Variants in ITGAM observed in about 807,000 individuals in gnomAD.
ITGAM encodes integrin alpha-M.
A neutral mutation model predicts 137.5 loss-of-function variants in ITGAM; 79 were observed. That is an observed-to-expected ratio of 0.57 (90% CI 0.48 to 0.69). The LOEUF (loss-of-function observed/expected upper bound fraction) is 0.69, where lower values mean the gene tolerates loss of function less well. Among genes scored for constraint, ITGAM ranks in the 30% least tolerant of loss-of-function variants. The probability of loss-of-function intolerance (pLI) is 0.00; values close to 1 mark genes in which losing one functional copy is unlikely to be tolerated. For synonymous variants in ITGAM, 583 were observed against 592.3 expected (o/e 0.98, Z 0.23); for missense variants, 1,343 against 1,483.5 (o/e 0.91, Z 1.56).
chr16:31,321,596 C>A lies in ITGAM; in HGVS notation c.1971C>A (p.Val657=). The A allele has an allele frequency of 6.2e-7, 1 of 1,613,886 alleles. No individual in the cohort carries two copies. Among genetic ancestry groups the A allele is most frequent in the East Asian group, 2.2e-5 (1 of 44,880 alleles). Residue 657 remains valine, a synonymous_variant, in exon 16 of 30, where the codon GTC becomes GTA. Transcript: ENST00000544665. ...EAGEVRVCLH[V]QKSTRDRLRE... is the part of the protein sequence containing the mutation. ...GAGAGGTCAGAGTCTGCCTCCATGT[C>A]CAGAAGAGCACACGGGATCGGCTAA...
chr16:31,269,173 TG>T (rs925893220), intron 5 of ITGAM, among the ~76,000 whole-genome samples: 13 of 151,950 alleles, frequency 8.6e-5, no homozygotes, highest in Non-Finnish European at 1.8e-4. Context: ...GGTTCCTGGG[TG>T]GGGGCAGCAA....
intron 14 of ITGAM, among the ~76,000 whole-genome samples, chr16:31,316,864 A>G (rs2080398180): frequency 6.6e-6 from 1 of 152,194 alleles, no homozygotes; most frequent in East Asian, 1.9e-4. Context: ...TTTTGATGCC[A>G]TTGTAAATAG....
At position 31,331,098 on chromosome 16, in the gene ITGAM, CG is replaced by C. The variant is rs1207968225; in HGVS notation, c.3277-65del. On this transcript the variant is annotated intron_variant, in intron 28 of 29. Transcript: ENST00000544665. ...TCCCCACTTGATTCAGGGGTGCACA[CG>C]GTGTGAATGGGGAACCCCCAGAAAT... The C allele has an allele frequency of 4.9e-6, 4 of 812,226 alleles. No individual in the cohort carries two copies. The East Asian group carries it at 1.0e-4, about 20-fold the overall frequency. 50.3% of individuals were successfully genotyped at this position (812,226 alleles called of 1,614,324 possible). A position where few individuals can be genotyped will look rare whatever the true frequency, so the allele number is the denominator to read the frequency against.
chr16:31,289,197 C>T (rs1169225363), intron 12 of ITGAM, among the ~76,000 whole-genome samples: 43 of 152,248 alleles, frequency 2.8e-4, no homozygotes, highest in African/African-American at 1.0e-3. Context: ...GACAGTGTGG[C>T]GATTCCTCAA....
intron 14 of ITGAM, among the ~76,000 whole-genome samples, chr16:31,318,251 A>AGG (rs1366495683): frequency 6.6e-6 from 1 of 151,954 alleles, no homozygotes; most frequent in African/African-American, 2.4e-5. Flanking sequence ...TTGCTATGGC[A>AGG]TCAGTTGTAT....
intron 14 of ITGAM, among the ~76,000 whole-genome samples, chr16:31,299,298 T>TTTGGC (rs1438217214): frequency 6.6e-6 from 1 of 152,032 alleles, no homozygotes; most frequent in African/African-American, 2.4e-5. Context: ...CTTCAATGAG[T>TTTGGC]TTGGCTGTTT....
chr16:31,301,005 G>T (rs1367234324), intron 14 of ITGAM, among the ~76,000 whole-genome samples: 3 of 152,128 alleles, frequency 2.0e-5, no homozygotes, highest in Admixed American at 6.6e-5. Flanking sequence ...TACATGGTTT[G>T]CAAATACTCT....
Position 31,332,142 on chromosome 16 carries a change from G to A in ITGAM, c.*435G>A, listed in dbSNP as rs1302710058. On this transcript the variant is annotated 3_prime_UTR_variant, in exon 30 of 30. Transcript: ENST00000544665. ...GAACTGCCTGGGCTCCCTTGTGCGTGGGTGAAGCCGCTGCTGGGTTTTCCT... is the reference window on the plus strand; with the variant it reads ...GAACTGCCTGGGCTCCCTTGTGCGTAGGTGAAGCCGCTGCTGGGTTTTCCT... 1 of 163,300 alleles carries A rather than the reference G, an allele frequency of 6.1e-6. No individual in the cohort carries two copies. Among genetic ancestry groups the A allele is most frequent in the Admixed American group, 6.4e-5 (1 of 15,686 alleles). 10.1% of individuals were successfully genotyped at this position (163,300 alleles called of 1,614,324 possible). A position where few individuals can be genotyped will look rare whatever the true frequency, so the allele number is the denominator to read the frequency against.
chr16:31,277,789 G>A (rs952178813), intron 11 of ITGAM, among the ~76,000 whole-genome samples, 178 bp from the exon 12 acceptor site: 3 of 152,074 alleles, frequency 2.0e-5, no homozygotes, highest in Non-Finnish European at 2.9e-5. Context: ...CACCGCACCC[G>A]GCCAGAAACT....
rs562216444 is a variant in ITGAM at position 31,331,774 on chromosome 16, C to T, written c.*67C>T. 2 of 1,278,752 alleles carry T rather than the reference C, an allele frequency of 1.6e-6. No homozygotes were observed. Among genetic ancestry groups the T allele is most frequent in the East Asian group, 5.0e-5 (2 of 40,396 alleles). The allele number at this position is 1,278,752 out of a possible 1,614,324, so 79.2% of individuals were successfully genotyped here. The stretch of plus-strand genomic sequence containing the variant: ...ACTCTGCCCAGACCACACGTAGCCC[C>T]CAGGCTGCTGGACACGTCGGACAGC... On this transcript the variant is annotated 3_prime_UTR_variant, in exon 30 of 30. Coordinates refer to ENST00000544665, the MANE Select transcript of ITGAM (RefSeq NM_000632.4).
At chr16:31,292,758 A>G (rs1204406256) in intron 12 of ITGAM, among the ~76,000 whole-genome samples, 1 of 152,164 alleles carries the variant, frequency 6.6e-6, no homozygotes, top group African/African-American at 2.4e-5. Flanking sequence ...AGGATGATAT[A>G]TATTACTCTG....
rs189561736 is a variant in ITGAM, at chr16:31,324,013, A to G, written c.2003-386A>G. On this transcript the variant is annotated intron_variant, in intron 16 of 29. Coordinates refer to ENST00000544665, the MANE Select transcript of ITGAM (RefSeq NM_000632.4). The surrounding 1 kb of genome is among the most constrained non-coding windows in gnomAD (Gnocchi z 4.5). ...GGGCAAGAGAGTGAGATTCTGTCTCAAAAAAGAAAATAAAAAATAAAAAGA... is the reference window on the plus strand; with the variant it reads ...GGGCAAGAGAGTGAGATTCTGTCTCGAAAAAGAAAATAAAAAATAAAAAGA... 1.6e-4 allele frequency among the ~76,000 whole-genome samples: 24 copies of G among 152,154 alleles called. No individual in the cohort carries two copies. The East Asian group carries it at 4.6e-3, about 29-fold the overall frequency.
intron 12 of ITGAM, among the ~76,000 whole-genome samples, chr16:31,280,390 G>C (rs1406087820): frequency 6.6e-6 from 1 of 152,120 alleles, no homozygotes; most frequent in Non-Finnish European, 1.5e-5. Context: ...TCTTCAATTT[G>C]TTTGTGTCCT....
Position 31,312,029 on chromosome 16 carries a change from G to T in ITGAM, c.1708-9212G>T, listed in dbSNP as rs373022567. Among the ~76,000 whole-genome samples the T allele has an allele frequency of 4.3e-4, 65 of 149,840 alleles. No homozygotes were observed. The South Asian group carries it at 0.013, about 31-fold the overall frequency. ...AAACCATCATTCTCAGCAAACTATC[G>T]CAAGGACAAAAAACCAAACACTGCA... On this transcript the variant is annotated intron_variant, in intron 14 of 29. Coordinates refer to ENST00000544665, the MANE Select transcript of ITGAM (RefSeq NM_000632.4).
At chr16:31,264,910 C>T (rs1449045617) in intron 2 of ITGAM, among the ~76,000 whole-genome samples, 2 of 152,152 alleles carry the variant, frequency 1.3e-5, no homozygotes, top group Admixed American at 6.6e-5. Context: ...CCCTGTCTCT[C>T]AGGCTGGAGT....
rs948950336 is a variant in ITGAM at position 31,313,416 on chromosome 16, C to G, written c.1708-7825C>G. 7.2e-5 allele frequency among the ~76,000 whole-genome samples: 11 copies of G among 151,878 alleles called. No homozygotes were observed. The South Asian group carries it at 2.3e-3, about 32-fold the overall frequency. On this transcript the variant is annotated intron_variant, in intron 14 of 29. Coordinates refer to ENST00000544665, the MANE Select transcript of ITGAM (RefSeq NM_000632.4). ...CCCCTCAACAGGCTCCAGTGATGTT[C>G]CCCTCCCTGTGTCCATGTATTCTCA... is the stretch of plus-strand genomic sequence containing the variant.
At chr16:31,288,189 G>A (rs1450791842) in intron 12 of ITGAM, among the ~76,000 whole-genome samples, 3 of 152,076 alleles carry the variant, frequency 2.0e-5, no homozygotes, top group African/African-American at 7.2e-5. Flanking sequence ...TGCGTATAGG[G>A]TGGTGGGAGG....
At chr16:31,302,884 CTCTT>C (rs761092626) in intron 14 of ITGAM, among the ~76,000 whole-genome samples, 9 of 151,066 alleles carry the variant, frequency 6.0e-5, no homozygotes, top group South Asian at 2.1e-4. Context: ...CTTTCCCTCC[CTCTT>C]TCTTTCTTTC....
Position 31,330,369 on chromosome 16 carries a change from A to G in ITGAM, c.3122A>G (p.Glu1041Gly). ...GACATCCCGTTCTTTGGCATCCAGG[A>G]AGAATTCAATGCTACCCTCAAAGGC... is the stretch of plus-strand genomic sequence containing the variant. ...QCDIPFFGIQEEFNATLKGNL... is the reference protein window; with the variant it reads ...QCDIPFFGIQGEFNATLKGNL... The change falls in exon 27 of 30, where the codon GAA (glutamate) becomes GGA (glycine). Residue 1041 changes from glutamate (E) to glycine (G), a missense_variant. By Grantham distance (98) the Glu-to-Gly change is moderately conservative. Coordinates refer to ENST00000544665, the MANE Select transcript of ITGAM (RefSeq NM_000632.4). The G allele has an allele frequency of 6.2e-7, 1 of 1,614,046 alleles. No homozygotes were observed. The highest frequency in any genetic ancestry group is 1.1e-5 in the South Asian group (1 of 91,088).
Sources: allele counts gnomAD v4.1 joint callset (sites outside exome capture counted in the v4.1 genomes callset), GRCh38; gene constraint gnomAD v4.1.1; non-coding constraint Gnocchi (gnomAD v3.1); transcripts MANE v1.5; gene names NCBI Gene and HGNC (gene_info 2026-07-23, HGNC 2026-07-21).